The following KIF14 variants were observed in gnomAD, a reference collection of about 807,000 sequenced individuals.
The protein encoded by KIF14 is kinesin family member 14.
Under a neutral mutation model 176.2 loss-of-function variants are expected in KIF14, and 98 were observed. The observed-to-expected ratio is 0.56, with a 90% CI of 0.47 to 0.66. The LOEUF (loss-of-function observed/expected upper bound fraction) is 0.66. Ranked by LOEUF, KIF14 falls within the 30% of genes least tolerant of loss-of-function variation. The probability of loss-of-function intolerance (pLI) is 0.00; values close to 1 mark genes in which losing one functional copy is unlikely to be tolerated. For synonymous variants in KIF14, 566 were observed against 632.2 expected, an observed-to-expected ratio of 0.90 and a Z score of 1.57; for missense variants, 1,751 against 1,920.4, an observed-to-expected ratio of 0.91 and a Z score of 1.65.
chr1:200,605,351 C>G lies in KIF14; in HGVS notation c.1678G>C (p.Ala560Pro). ...ELGNKQRATAATGMNDKSSRS... is the reference protein window; with the variant it reads ...ELGNKQRATAPTGMNDKSSRS... ...GAACTTTTATCATTCATACCAGTAG[C>G]AGCAGTAGCTCTTTGTTTATTTCCC... Residue 560 changes from alanine to proline, a missense_variant, in exon 8 of 30, where the codon GCT (alanine) becomes CCT (proline). Coordinates refer to ENST00000367350, the MANE Select transcript of KIF14 (RefSeq NM_014875.3). The G allele has an allele frequency of 1.2e-6, 2 of 1,613,694 alleles. No homozygotes were observed. The highest frequency in any genetic ancestry group is 1.7e-6 in the Non-Finnish European group (2 of 1,179,784).
intron 22 of KIF14, among the ~76,000 whole-genome samples, chr1:200,571,228 T>C (rs1450810811): frequency 1.3e-5 from 2 of 148,888 alleles, no homozygotes; most frequent in African/African-American, 5.0e-5. Context: ...GGCAGAAGAA[T>C]GGCGTAAACC....
intron 15 of KIF14, among the ~76,000 whole-genome samples, chr1:200,592,654 T>C (rs1659114213): frequency 6.6e-6 from 1 of 152,204 alleles, no homozygotes; most frequent in Admixed American, 6.5e-5. Flanking sequence ...ACTTTGTATA[T>C]ACCAAACACT....
chr1:200,618,186 G>C lies in KIF14; in HGVS notation c.538C>G (p.Pro180Ala), dbSNP rs766119894. The change falls in exon 2 of 30, where the codon CCT becomes GCT. Residue 180 changes from proline (P) to alanine (A), a missense_variant. Transcript: ENST00000367350. The stretch of plus-strand genomic sequence containing the variant: ...ATGACCTGTGGATCTTCATCTAAAG[G>C]TACAGAAGAGGCAACAAAAGAGTTT... ...AKNSFVASSV[P>A]LDEDPQVIEM... 8 of 1,613,826 alleles carry C rather than the reference G, an allele frequency of 5.0e-6. No homozygotes were observed. The highest frequency in any genetic ancestry group is 1.1e-5 in the South Asian group (1 of 91,076).
chr1:200,589,232 T>C lies in KIF14; in HGVS notation c.3099A>G (p.Thr1033=), dbSNP rs368983883. ...ATAAAATTACCTGTTTTGTAGCCAA[T>C]GTTTCCATTTCTAATCGCTTTTTGT... The part of the protein sequence containing the change: ...YVNKKRLEME[T]LATKQALEDH... Residue 1033 remains threonine, a synonymous_variant, in exon 18 of 30, where the codon ACA becomes ACG. Coordinates refer to ENST00000367350, the MANE Select transcript of KIF14 (RefSeq NM_014875.3). The C allele has an allele frequency of 1.0e-5, 16 of 1,605,276 alleles. No homozygotes were observed. In the South Asian group the frequency reaches 1.8e-4, roughly 18 times the overall value.
intron 26 of KIF14, 25 bp downstream of exon 26, chr1:200,560,697 G>A (rs766920695): frequency 1.9e-6 from 3 of 1,611,532 alleles, no homozygotes; most frequent in Non-Finnish European, 2.5e-6. Context: ...GATGAAGTCT[G>A]TCTGAACTAA....
At chr1:200,611,471 T>C (rs996058233) in intron 4 of KIF14, among the ~76,000 whole-genome samples, 2 of 152,096 alleles carry the variant, frequency 1.3e-5, no homozygotes, top group African/African-American at 4.8e-5. Flanking sequence ...ACCAAGTAAT[T>C]ATAAGGTCAT....
intron 2 of KIF14, 25 bp from the exon 3 acceptor site, chr1:200,615,634 A>C: frequency 1.3e-6 from 2 of 1,581,472 alleles, no homozygotes; most frequent in East Asian, 2.2e-5. Context: ...AAAGAAAAAA[A>C]TCAAGTAACT....
intron 4 of KIF14, among the ~76,000 whole-genome samples, chr1:200,611,528 C>T (rs1660154744): frequency 6.6e-6 from 1 of 152,142 alleles, no homozygotes; most frequent in South Asian, 2.1e-4. Flanking sequence ...ATTCAATAAA[C>T]ACGTAATAAT....
At chr1:200,606,707 T>C (rs760930261) in intron 6 of KIF14, 39 bp downstream of exon 6, 1 of 1,541,936 alleles carries the variant, frequency 6.5e-7, no homozygotes, top group Admixed American at 1.7e-5. Context: ...TCTATTCATT[T>C]GTTTTATCCT....
chr1:200,601,534 A>G (rs1256369165), intron 11 of KIF14, among the ~76,000 whole-genome samples: 1 of 152,244 alleles, frequency 6.6e-6, no homozygotes, highest in Admixed American at 6.5e-5. Flanking sequence ...ACTAAGCATG[A>G]GCAGAGCTAG....
In KIF14 at chr1:200,553,673, AG is replaced by A. The variant is rs760690392; in HGVS notation, c.4661del (p.Thr1554IlefsTer10). 9 of 1,614,062 alleles carry A rather than the reference AG, an allele frequency of 5.6e-6. No homozygotes were observed. The highest frequency in any genetic ancestry group is 7.6e-6 in the Non-Finnish European group (9 of 1,179,948). On this transcript the variant is annotated frameshift_variant, in exon 30 of 30. Transcript: ENST00000367350. LOFTEE classifies it low-confidence loss of function (END_TRUNC). Reference sequence around the variant, plus strand: ...CTCTACTCTCATAGCTGCCAACAGAAGTAGAAGGCACACTGAAGTCACTGTA... The same window carrying A: ...CTCTACTCTCATAGCTGCCAACAGAATAGAAGGCACACTGAAGTCACTGTA... ...DFYSDFSVPS[T>X]SVGSYESRVT...
intron 5 of KIF14, among the ~76,000 whole-genome samples, chr1:200,607,929 G>C (rs902268935): frequency 6.6e-6 from 1 of 152,116 alleles, no homozygotes; most frequent in Non-Finnish European, 1.5e-5. Context: ...TCCATCTCTT[G>C]ACCTAGTGAT....
rs147387069 is a variant in KIF14 at position 200,617,715 on chromosome 1, C to T, written c.1009G>A (p.Glu337Lys). 7.7e-5 allele frequency: 125 copies of T among 1,614,100 alleles called. 1 individual carries two copies. The Middle Eastern group carries it at 1.6e-3, about 21-fold the overall frequency. Residue 337 changes from glutamate (E) to lysine (K), a missense_variant, in exon 2 of 30, where the codon GAA becomes AAA. Physicochemically the swap from Glu to Lys is moderately conservative, Grantham distance 56. Coordinates refer to ENST00000367350, the MANE Select transcript of KIF14 (RefSeq NM_014875.3). ...ERSAENTILPEEETVVQNTSA... is the reference protein window; with the variant it reads ...ERSAENTILPKEETVVQNTSA... ...GTGTTCTGAACTACAGTTTCTTCTT[C>T]GGGAAGAATTGTATTTTCTGCGGAT... is the stretch of plus-strand genomic sequence containing the variant.
intron 4 of KIF14, among the ~76,000 whole-genome samples, chr1:200,613,095 C>T (rs1660239979): frequency 6.6e-6 from 1 of 151,968 alleles, no homozygotes; most frequent in African/African-American, 2.4e-5. Context: ...ACCATGTTGG[C>T]CAGGCTGGTC....
rs528362500 is a variant in KIF14, at chr1:200,598,232, C to T, written c.2549+5G>A. On this transcript the variant is annotated splice_donor_5th_base_variant and intron_variant, in intron 14 of 29. Coordinates refer to ENST00000367350, the MANE Select transcript of KIF14 (RefSeq NM_014875.3). ...CTTTTCTTTTTTTTTAGAGGATTAACATACCAATGATCATCAGCAATCAGC... is the reference window on the plus strand; with the variant it reads ...CTTTTCTTTTTTTTTAGAGGATTAATATACCAATGATCATCAGCAATCAGC... The T allele has an allele frequency of 6.2e-7, 1 of 1,607,872 alleles. No individual in the cohort carries two copies. Among genetic ancestry groups the T allele is most frequent in the Non-Finnish European group, 8.5e-7 (1 of 1,178,000 alleles).
Position 200,583,955 on chromosome 1 carries a change from T to A in KIF14, c.3241+2146A>T, listed in dbSNP as rs1349925796. Among the ~76,000 whole-genome samples, 244 of 138,580 alleles carry A rather than the reference T, an allele frequency of 1.8e-3. 1 individual carries two copies. The highest frequency in any genetic ancestry group is 3.0e-3 in the Non-Finnish European group (190 of 63,710). 90.9% of individuals were successfully genotyped at this position (138,580 alleles called of 152,430 possible). On this transcript the variant is annotated intron_variant, in intron 19 of 29. Transcript: ENST00000367350. ...AAAAAGACTTTAAAAAAAAAAAAAA[T>A]AGTCGGGCCGGGCCCCGGTGGCTCA...
Position 200,603,240 on chromosome 1 carries a change from T to G in KIF14, c.1965A>C (p.Glu655Asp). The G allele has an allele frequency of 1.3e-6, 2 of 1,593,550 alleles. No individual in the cohort carries two copies. Among genetic ancestry groups the G allele is most frequent in the Non-Finnish European group, 8.6e-7 (1 of 1,163,466 alleles). Residue 655 changes from glutamate (E) to aspartate (D), a missense_variant, in exon 10 of 30, where the codon GAA becomes GAC. Transcript: ENST00000367350. ...AAGATACTTGCCATGTAAGAACAGA[T>G]TCACGATAAGGAATAAAAACACTCC... is the stretch of plus-strand genomic sequence containing the variant. Reference protein sequence around the residue: ...NQRSVFIPYRESVLTWLLKES... With the variant: ...NQRSVFIPYRDSVLTWLLKES...
At chr1:200,575,069 G>C (rs1486258168) in intron 22 of KIF14, among the ~76,000 whole-genome samples, 1 of 148,608 alleles carries the variant, frequency 6.7e-6, no homozygotes, top group Admixed American at 7.0e-5. Context: ...CCATTCTCCT[G>C]CCTAAGCCTC....
rs7548174 is a variant in KIF14 at position 200,554,386 on chromosome 1, A to G, written c.4567+82T>C. 540,239 of 886,250 alleles carry G rather than the reference A, an allele frequency of 0.61. 170,425 individuals are homozygous for G. The highest frequency in any genetic ancestry group is 0.69 in the East Asian group (22,829 of 33,054). 54.9% of individuals were successfully genotyped at this position (886,250 alleles called of 1,614,324 possible). The stretch of plus-strand genomic sequence containing the variant: ...AGCCTGAGTGACAGAGCGAGACTCC[A>G]TCTCAAAAAAAAAAAGGAAAGATGT... On this transcript the variant is annotated intron_variant, in intron 29 of 29. Transcript: ENST00000367350.
Sources: gnomAD v4.1 joint callset for allele counts (sites outside exome capture counted in the v4.1 genomes callset) on GRCh38, gnomAD v4.1.1 for gene constraint, MANE v1.5 for transcripts, NCBI Gene and HGNC (gene_info 2026-07-23, HGNC 2026-07-21) for gene names.